NINJ2: variants seen among roughly 807,000 people sequenced by gnomAD.
The protein encoded by NINJ2 is ninjurin-2.
In NINJ2, 12 loss-of-function variants were observed where a neutral mutation model predicts 11.7. The observed-to-expected ratio is 1.02, with a 90% CI of 0.66 to 1.66. The LOEUF (loss-of-function observed/expected upper bound fraction) is 1.66. Ranked by LOEUF, NINJ2 falls within the 40% of genes most tolerant of loss-of-function variation. The pLI, the probability that NINJ2 is intolerant of heterozygous loss-of-function variation, is 0.00. For synonymous variants in NINJ2, 93 were observed against 76.8 expected, an observed-to-expected ratio of 1.21 and a Z score of -1.10; for missense variants, 187 against 181.8, an observed-to-expected ratio of 1.03 and a Z score of -0.16.
chr12:572,116 C>G (rs1947386192), intron 1 of NINJ2, among the ~76,000 whole-genome samples: 1 of 152,222 alleles, frequency 6.6e-6, no homozygotes, highest in Non-Finnish European at 1.5e-5. Context: ...TCTGCGAGGT[C>G]GAAGGGACTG....
intron 1 of NINJ2, among the ~76,000 whole-genome samples, chr12:616,917 T>G (rs1336213271): frequency 6.6e-6 from 1 of 152,070 alleles, no homozygotes; most frequent in Non-Finnish European, 1.5e-5. Context: ...TTAAAAAAAG[T>G]GTGCTCAGCC....
chr12:601,156 G>A (rs895152171), intron 1 of NINJ2, among the ~76,000 whole-genome samples: 4 of 152,166 alleles, frequency 2.6e-5, no homozygotes, highest in Admixed American at 2.6e-4. Flanking sequence ...CATGAACTGG[G>A]TTTGCATCCT....
intron 1 of NINJ2, among the ~76,000 whole-genome samples, chr12:660,117 C>T (rs1431167649): frequency 6.9e-6 from 1 of 144,166 alleles, no homozygotes; most frequent in Non-Finnish European, 1.5e-5. Flanking sequence ...AGACCCCAAT[C>T]ACTAAAAAAA....
intron 1 of NINJ2, chr12:610,699 CA>C: frequency 3.6e-6 from 2 of 549,072 alleles, no homozygotes; most frequent in Non-Finnish European, 4.6e-6. Context: ...TGGGCTATGA[CA>C]AGGACAACCA....
At position 628,576 on chromosome 12, in the gene NINJ2, T is replaced by C. The variant is rs967736190; in HGVS notation, c.33+34752A>G. 6.6e-6 allele frequency among the ~76,000 whole-genome samples: 1 copy of C among 152,162 alleles called. No individual in the cohort carries two copies. The highest frequency in any genetic ancestry group is 2.4e-5 in the African/African-American group (1 of 41,446). ...CATTCGAACCAGAATGACTCCATCTTGAATAGGGGCTGGTAAAATGAGGCT... is the reference window on the plus strand; with the variant it reads ...CATTCGAACCAGAATGACTCCATCTCGAATAGGGGCTGGTAAAATGAGGCT... On this transcript the variant is annotated intron_variant, in intron 1 of 3. Coordinates refer to ENST00000305108, the MANE Select transcript of NINJ2 (RefSeq NM_016533.6). The surrounding 1 kb of genome is among the most constrained non-coding windows in gnomAD (Gnocchi z 4.4).
At chr12:647,434 TGCACTGACAGTGTGGTGGTGCCCC>T (rs1937703917) in intron 1 of NINJ2, among the ~76,000 whole-genome samples, 1 of 123,178 alleles carries the variant, frequency 8.1e-6, no homozygotes, top group Non-Finnish European at 1.9e-5. Flanking sequence ...GGTGGTGCCC[TGCACTGACAGTGTGGTGGTGCCCC>T]ACACTGAAAC....
At chr12:611,503 A>G (rs1455778428) in intron 1 of NINJ2, among the ~76,000 whole-genome samples, 1 of 151,942 alleles carries the variant, frequency 6.6e-6, no homozygotes, top group Non-Finnish European at 1.5e-5. Flanking sequence ...ACACCCAGCT[A>G]ATTTTTGTAT....
rs2120836666 is a variant in NINJ2, at chr12:581,728, C to T, written c.34-15550G>A. 6.6e-6 allele frequency among the ~76,000 whole-genome samples: 1 copy of T among 152,254 alleles called. No homozygotes were observed. The highest frequency in any genetic ancestry group is 2.1e-4 in the South Asian group (1 of 4,816). ...GCTGACCATCCAACTCACGCAGCTT[C>T]GGTGCTTCCCAGCTCACTCGTCTGT... On this transcript the variant is annotated intron_variant, in intron 1 of 3. Coordinates refer to ENST00000305108, the MANE Select transcript of NINJ2 (RefSeq NM_016533.6). This position sits in a 1 kb window ranked among gnomAD's most constrained non-coding sequence, Gnocchi z 4.9.
At chr12:643,682 A>ACGCCT in intron 1 of NINJ2, 1 of 987,944 alleles carries the variant, frequency 1.0e-6, no homozygotes, top group Non-Finnish European at 1.2e-6. Flanking sequence ...CGTTTGAGCC[A>ACGCCT]CGCCTCACCG....
chr12:572,693 G>T (rs1157028889), intron 1 of NINJ2, among the ~76,000 whole-genome samples: 1 of 152,152 alleles, frequency 6.6e-6, no homozygotes, highest in African/African-American at 2.4e-5. Flanking sequence ...CACAGGACAT[G>T]AGTCACCTTA....
chr12:601,346 A>G (rs1405037281), intron 1 of NINJ2, among the ~76,000 whole-genome samples: 1 of 151,576 alleles, frequency 6.6e-6, no homozygotes, highest in African/African-American at 2.4e-5. Flanking sequence ...GGAGATCGAG[A>G]CCATCCTGGC....
At chr12:642,733 G>C (rs978180579) in intron 1 of NINJ2, 1 of 152,320 alleles carries the variant, frequency 6.6e-6, no homozygotes, top group Non-Finnish European at 1.5e-5. Flanking sequence ...TCTGAGCCGG[G>C]AAAAGGTGAG....
At chr12:588,446 G>A (rs770885572) in intron 1 of NINJ2, among the ~76,000 whole-genome samples, 18 of 152,222 alleles carry the variant, frequency 1.2e-4, no homozygotes, top group African/African-American at 1.7e-4. Context: ...CACTTATAGC[G>A]CTCATTTCAT....
intron 1 of NINJ2, among the ~76,000 whole-genome samples, chr12:583,741 C>T (rs1412908722): frequency 6.6e-6 from 1 of 152,178 alleles, no homozygotes; most frequent in African/African-American, 2.4e-5. Context: ...TGCAAAGCCT[C>T]GAAGTGTGAG....
chr12:570,350 A>G (rs1481067250), intron 1 of NINJ2, among the ~76,000 whole-genome samples: 3 of 152,292 alleles, frequency 2.0e-5, no homozygotes, highest in Non-Finnish European at 4.4e-5. Context: ...TCTGCGGCAG[A>G]GGGATGGATG....
chr12:571,324 G>A (rs1288124765), intron 1 of NINJ2, among the ~76,000 whole-genome samples: 2 of 152,278 alleles, frequency 1.3e-5, no homozygotes, highest in African/African-American at 2.4e-5. Context: ...ACAAGAGGAC[G>A]TGGGTTTGAT....
At chr12:645,609 G>C (rs566428320) in intron 1 of NINJ2, 68 of 152,308 alleles carry the variant, frequency 4.5e-4, no homozygotes, top group African/African-American at 1.6e-3. Flanking sequence ...CAACCTGGAA[G>C]AGCTGGACTT....
At chr12:609,792 G>GAA (rs146721758) in intron 1 of NINJ2, among the ~76,000 whole-genome samples, 35 of 123,802 alleles carry the variant, frequency 2.8e-4, no homozygotes, top group Admixed American at 5.2e-4. Flanking sequence ...AAAAAATAGG[G>GAA]AAAACAACAA....
rs1947557186 is a variant in NINJ2, at chr12:581,638, G to T, written c.34-15460C>A. On this transcript the variant is annotated intron_variant, in intron 1 of 3. Transcript: ENST00000305108. The surrounding 1 kb of genome is among the most constrained non-coding windows in gnomAD (Gnocchi z 4.9). ...CAGCAGCTCTGTGAAGGGGGCCAGG[G>T]TCTGCTCTGGGGAGAAGGTAAGCAG... Among the ~76,000 whole-genome samples the T allele has an allele frequency of 1.3e-5, 2 of 152,158 alleles. No individual in the cohort carries two copies. The highest frequency in any genetic ancestry group is 4.1e-4 in the South Asian group (2 of 4,822).
Sources: allele counts gnomAD v4.1 joint callset (sites outside exome capture counted in the v4.1 genomes callset), GRCh38; gene constraint gnomAD v4.1.1; non-coding constraint Gnocchi (gnomAD v3.1); transcripts MANE v1.5; gene names NCBI Gene and HGNC (gene_info 2026-07-23, HGNC 2026-07-21).